PTPRD: variants seen among roughly 807,000 people sequenced by gnomAD.
The protein encoded by PTPRD is receptor-type tyrosine-protein phosphatase delta.
PTPRD carries 34 observed loss-of-function variants against 214.5 expected under a neutral mutation model. The ratio of observed to expected loss-of-function variants is 0.16; its 90% confidence interval spans 0.12 to 0.21. The LOEUF is 0.21. Among genes scored for constraint, PTPRD ranks in the 10% least tolerant of loss-of-function variants. PTPRD has a pLI of 1.00. For synonymous variants in PTPRD, 1,128 were observed against 845.7 expected (o/e 1.33, Z -5.79); for missense variants, 2,545 against 2,398.7 (o/e 1.06, Z -1.27).
intron 12 of PTPRD, among the ~76,000 whole-genome samples, chr9:8,665,088 T>C (rs1387637825): frequency 6.6e-6 from 1 of 152,180 alleles, no homozygotes; most frequent in East Asian, 1.9e-4. Flanking sequence ...AAAAAAAATA[T>C]GTTCGCTCAT....
intron 44 of PTPRD, among the ~76,000 whole-genome samples, chr9:8,326,156 A>G (rs1833505947): frequency 6.6e-6 from 1 of 152,206 alleles, no homozygotes; most frequent in African/African-American, 2.4e-5. Flanking sequence ...CTACTTTTCA[A>G]AGGGAGTGCT....
chr9:10,169,610 G>A (rs2099187741), intron 3 of PTPRD, among the ~76,000 whole-genome samples: 1 of 151,720 alleles, frequency 6.6e-6, no homozygotes, highest in Admixed American at 6.6e-5. Context: ...TAAAGGTACT[G>A]TAAAAAACCC....
intron 3 of PTPRD, among the ~76,000 whole-genome samples, chr9:10,158,880 G>C (rs1373042202): frequency 1.3e-5 from 2 of 152,106 alleles, no homozygotes; most frequent in East Asian, 3.9e-4. Flanking sequence ...ATATCCCTAA[G>C]GATATCCAGA....
intron 4 of PTPRD, among the ~76,000 whole-genome samples, chr9:9,970,438 A>AAAAAAAAAAG (rs1555411836): frequency 6.4e-5 from 9 of 140,304 alleles, no homozygotes; most frequent in African/African-American, 2.4e-4. Context: ...TCAAAAAAAA[A>AAAAAAAAAAG]AAAAAGAAAA....
At chr9:9,564,984 T>C (rs551623320) in intron 8 of PTPRD, among the ~76,000 whole-genome samples, 2 of 139,348 alleles carry the variant, frequency 1.4e-5, no homozygotes, top group Non-Finnish European at 1.5e-5. Context: ...ATGAATGACA[T>C]GCAGTTTTCA....
At position 9,676,888 on chromosome 9, in the gene PTPRD, AT is replaced by A. The variant is rs996603058; in HGVS notation, c.-287+57644del. Among the ~76,000 whole-genome samples the A allele has an allele frequency of 1.8e-3, 280 of 152,066 alleles. 2 individuals are homozygous for A. Among genetic ancestry groups the A allele is most frequent in the Non-Finnish European group, 2.9e-3 (199 of 67,986 alleles). ...TCTCTGATGGCCAGTGATGATGAGC[AT>A]TTTTTCATGTGTTTTTTGGCTGCAT... On this transcript the variant is annotated intron_variant, in intron 7 of 45. Transcript: ENST00000381196.
At chr9:10,357,774 A>G (rs1329792768) in intron 2 of PTPRD, among the ~76,000 whole-genome samples, 1 of 152,234 alleles carries the variant, frequency 6.6e-6, no homozygotes, top group South Asian at 2.1e-4. Flanking sequence ...AAAGTGCCGG[A>G]ATAGGCACTA....
chr9:8,630,116 C>G lies in PTPRD; in HGVS notation c.352+3201G>C, dbSNP rs2096203265. 3.3e-5 allele frequency among the ~76,000 whole-genome samples: 5 copies of G among 151,850 alleles called. No individual in the cohort carries two copies. In the South Asian group the frequency reaches 1.0e-3, roughly 31 times the overall value. ...CTTCATCCAGTTCACTTAGATAAAG[C>G]CCATCATGAGAGCTGGCACATTTTT... On this transcript the variant is annotated intron_variant, in intron 14 of 45. Transcript: ENST00000381196.
At chr9:8,812,518 T>G (rs1449863181) in intron 11 of PTPRD, among the ~76,000 whole-genome samples, 2 of 152,194 alleles carry the variant, frequency 1.3e-5, no homozygotes, top group Admixed American at 6.5e-5. Flanking sequence ...ATAAAGTTAT[T>G]TAATATATTC....
In PTPRD at chr9:9,334,454, A is replaced by G. The variant is rs543423186; in HGVS notation, c.-203+62995T>C. 1.8e-3 allele frequency among the ~76,000 whole-genome samples: 272 copies of G among 152,140 alleles called. 1 individual carries two copies. Among genetic ancestry groups the G allele is most frequent in the Admixed American group, 4.6e-3 (70 of 15,236 alleles). On this transcript the variant is annotated intron_variant, in intron 9 of 45. Transcript: ENST00000381196. The stretch of plus-strand genomic sequence containing the variant: ...AGTTGATTTATCTAGTGGGGATTTC[A>G]TAATAGTTTCCCTAACTTTTCCATC...
chr9:10,205,083 A>G (rs1222296950), intron 3 of PTPRD, among the ~76,000 whole-genome samples: 1 of 152,184 alleles, frequency 6.6e-6, no homozygotes, highest in Non-Finnish European at 1.5e-5. Context: ...AGTGGCTGCC[A>G]GCCATATGCC....
chr9:9,508,404 AT>A lies in PTPRD; in HGVS notation c.-237+66327del, dbSNP rs1360787866. Among the ~76,000 whole-genome samples, 10 of 151,508 alleles carry A rather than the reference AT, an allele frequency of 6.6e-5. No homozygotes were observed. In the Middle Eastern group the frequency reaches 0.017, roughly 258 times the overall value. ...TTTCGTGAGTAGAAATTACATGGCT[AT>A]TTTTTCCATAATGAAAGTAAAGACA... is the stretch of plus-strand genomic sequence containing the variant. On this transcript the variant is annotated intron_variant, in intron 8 of 45. Transcript: ENST00000381196.
At chr9:8,474,610 TTCCTA>T (rs1452303883) in intron 30 of PTPRD, among the ~76,000 whole-genome samples, 10 of 152,292 alleles carry the variant, frequency 6.6e-5, no homozygotes, top group African/African-American at 2.2e-4. Flanking sequence ...ACTATCTAGT[TTCCTA>T]ATAACTGCTC....
At chr9:8,663,898 A>T (rs1044009873) in intron 12 of PTPRD, among the ~76,000 whole-genome samples, 6 of 100,238 alleles carry the variant, frequency 6.0e-5, no homozygotes, top group African/African-American at 2.9e-4. Flanking sequence ...AAGTGCATTA[A>T]AAAAAAAAAA....
chr9:8,832,820 C>G (rs895321382), intron 11 of PTPRD, among the ~76,000 whole-genome samples: 1 of 151,910 alleles, frequency 6.6e-6, no homozygotes, highest in African/African-American at 2.4e-5. Context: ...CTGTATTTCT[C>G]TTTTTCAGAT....
intron 8 of PTPRD, among the ~76,000 whole-genome samples, chr9:9,457,223 T>G (rs1167068930): frequency 6.6e-6 from 1 of 151,942 alleles, no homozygotes; most frequent in Non-Finnish European, 1.5e-5. Flanking sequence ...TGAAGTTCCA[T>G]TCTGATGATA....
chr9:8,517,730 C>A, intron 21 of PTPRD, 118 bp downstream of exon 21: 1 of 808,680 alleles, frequency 1.2e-6, no homozygotes, highest in Non-Finnish European at 2.0e-6. Context: ...TGCTTTGAAG[C>A]CCTAAATCTC....
chr9:10,600,125 G>C (rs774713163), intron 2 of PTPRD, among the ~76,000 whole-genome samples: 1 of 151,506 alleles, frequency 6.6e-6, no homozygotes, highest in African/African-American at 2.4e-5. Context: ...TCAAAATCTG[G>C]ATTACCTTTC....
chr9:9,035,076 T>A (rs1346149868), intron 10 of PTPRD, among the ~76,000 whole-genome samples: 1 of 152,052 alleles, frequency 6.6e-6, no homozygotes, highest in Non-Finnish European at 1.5e-5. Context: ...GAGTGTGGGA[T>A]TGGATTTTTT....
Sources: allele counts gnomAD v4.1 joint callset (sites outside exome capture counted in the v4.1 genomes callset), GRCh38; gene constraint gnomAD v4.1.1; transcripts MANE v1.5; gene names NCBI Gene and HGNC (gene_info 2026-07-23, HGNC 2026-07-21).